CUBN: variants seen among roughly 807,000 people sequenced by gnomAD.
CUBN encodes the protein 460 kDa receptor.
A neutral mutation model predicts 405.3 loss-of-function variants in CUBN; 282 were observed. That is an observed-to-expected ratio of 0.70 (90% CI 0.63 to 0.77). The LOEUF is 0.77. Ranked by LOEUF, CUBN falls within the 30% of genes least tolerant of loss-of-function variation. The pLI, the probability that CUBN is intolerant of heterozygous loss-of-function variation, is 0.00. For missense variants in CUBN, 4,514 were observed against 4,475.2 expected (o/e 1.01, Z -0.25); for synonymous variants, 1,684 against 1,617.0 (o/e 1.04, Z -0.99).
chr10:16,893,463 T>C (rs1266770531), intron 54 of CUBN, among the ~76,000 whole-genome samples: 1 of 152,150 alleles, frequency 6.6e-6, no homozygotes, highest in Non-Finnish European at 1.5e-5. Context: ...GCATTCAAGA[T>C]ACTGAAATTC....
At chr10:17,054,395 T>G (rs1234014120) in intron 22 of CUBN, among the ~76,000 whole-genome samples, 1 of 150,518 alleles carries the variant, frequency 6.6e-6, no homozygotes, top group Non-Finnish European at 1.5e-5. Context: ...TCTATATCTA[T>G]CTATCTGTAG....
chr10:17,122,797 GT>G lies in CUBN; in HGVS notation c.590del (p.Tyr197SerfsTer37). ...CCAAAAAAAAAAAAAAAAGTTACCT[GT>G]AACTTCCCATTGTATTAACACATGT... ...GGTCVNTMGS[Y>X]SCHCPPETYG... On this transcript the variant is annotated frameshift_variant, in exon 6 of 67. Coordinates refer to ENST00000377833, the MANE Select transcript of CUBN (RefSeq NM_001081.4). LOFTEE classifies it high-confidence loss of function. 6.5e-7 allele frequency: 1 copy of G among 1,545,454 alleles called. No homozygotes were observed. Among genetic ancestry groups the G allele is most frequent in the Non-Finnish European group, 8.9e-7 (1 of 1,121,958 alleles).
chr10:16,876,966 C>T lies in CUBN; in HGVS notation c.9037G>A (p.Val3013Ile). Residue 3013 changes from valine (V) to isoleucine (I), a missense_variant, in exon 57 of 67, where the codon GTT becomes ATT. This residue lies in a region of CUBN where 1,186 missense variants were observed against 1,186.9 expected (regional missense o/e 1.00). Coordinates refer to ENST00000377833, the MANE Select transcript of CUBN (RefSeq NM_001081.4). ...MPAPLTIAGPVLLNFYSNEQI... is the reference protein window; with the variant it reads ...MPAPLTIAGPILLNFYSNEQI... Reference sequence around the variant, plus strand: ...TCGTTGGAGTAGAAGTTAAGCAGAACCGGCCCAGCGATGGTGAGGGGAGCT... The same window carrying T: ...TCGTTGGAGTAGAAGTTAAGCAGAATCGGCCCAGCGATGGTGAGGGGAGCT... 1 of 1,614,118 alleles carries T rather than the reference C, an allele frequency of 6.2e-7. No homozygotes were observed.
Position 16,837,907 on chromosome 10 carries a change from G to A in CUBN, c.10033-1525C>T, listed in dbSNP as rs373412087. 2.1e-4 allele frequency among the ~76,000 whole-genome samples: 32 copies of A among 152,172 alleles called. No individual in the cohort carries two copies. In the East Asian group the frequency reaches 4.5e-3, roughly 21 times the overall value. On this transcript the variant is annotated intron_variant, in intron 62 of 66. Transcript: ENST00000377833. ...GCTGTTATGTTTCAGACGGTGTCTC[G>A]TGCCCTGAAAGTGCCATTCTGTGCC...
chr10:17,017,219 T>C (rs146730609), intron 28 of CUBN, among the ~76,000 whole-genome samples: 386 of 152,252 alleles, frequency 2.5e-3, no homozygotes, highest in African/African-American at 8.9e-3. Context: ...CTGATCAGAA[T>C]AGTTGCACTC....
At chr10:16,947,023 G>T (rs1842805029) in intron 36 of CUBN, among the ~76,000 whole-genome samples, 1 of 152,160 alleles carries the variant, frequency 6.6e-6, no homozygotes. Context: ...ACTCAAGAAT[G>T]TACTTTTGGA....
chr10:16,958,050 T>C (rs1843120616), intron 31 of CUBN, among the ~76,000 whole-genome samples: 2 of 152,184 alleles, frequency 1.3e-5, no homozygotes, highest in Admixed American at 6.5e-5. Flanking sequence ...GTTTTCAGTC[T>C]GAGTGGTTGG....
Position 16,990,326 on chromosome 10 carries a change from C to A in CUBN, c.4350+8G>T. The A allele has an allele frequency of 6.2e-7, 1 of 1,613,998 alleles. No individual in the cohort carries two copies. Among genetic ancestry groups the A allele is most frequent in the East Asian group, 2.2e-5 (1 of 44,894 alleles). Reference sequence around the variant, plus strand: ...GGAATGTGCTGAAAAAACCATCTCACTTCCTACCTCCAAGACATCAAAGTT... The same window carrying A: ...GGAATGTGCTGAAAAAACCATCTCAATTCCTACCTCCAAGACATCAAAGTT... On this transcript the variant is annotated splice_region_variant and intron_variant, in intron 29 of 66. Transcript: ENST00000377833.
intron 36 of CUBN, among the ~76,000 whole-genome samples, chr10:16,941,025 C>T (rs1337121871): frequency 6.6e-6 from 1 of 152,144 alleles, no homozygotes; most frequent in Non-Finnish European, 1.5e-5. Context: ...TAGTATCTAC[C>T]TCATATGATG....
At chr10:17,100,504 T>A (rs371369572) in intron 13 of CUBN, among the ~76,000 whole-genome samples, 36 of 152,196 alleles carry the variant, frequency 2.4e-4, no homozygotes, top group East Asian at 2.1e-3. Context: ...ATTAAACTTG[T>A]CAAGTCCACC....
At chr10:17,105,612 C>A (rs2131302555) in intron 10 of CUBN, 37 bp from the exon 11 acceptor site, 2 of 1,143,714 alleles carry the variant, frequency 1.7e-6, no homozygotes, top group East Asian at 2.4e-5. Context: ...AAATACAGGT[C>A]TCCTCCTCTG....
Position 17,087,472 on chromosome 10 carries a change from CT to C in CUBN, c.1947+691del, listed in dbSNP as rs775573918. Among the ~76,000 whole-genome samples the C allele has an allele frequency of 5.7e-4, 41 of 71,728 alleles. 1 individual carries two copies. Among genetic ancestry groups the C allele is most frequent in the South Asian group, 2.0e-3 (3 of 1,468 alleles). The allele number at this position is 71,728 out of a possible 152,430, so 47.1% of individuals were successfully genotyped here. On this transcript the variant is annotated intron_variant, in intron 15 of 66. Transcript: ENST00000377833. ...CACAATCACTATTATTTTTCTTTTTCTTTTTTTTTTTTTTTTTTTTTTAGAC... is the reference window on the plus strand; with the variant it reads ...CACAATCACTATTATTTTTCTTTTTCTTTTTTTTTTTTTTTTTTTTTAGAC...
intron 59 of CUBN, among the ~76,000 whole-genome samples, chr10:16,864,842 G>T (rs990982562): frequency 6.7e-6 from 1 of 148,722 alleles, no homozygotes; most frequent in South Asian, 2.1e-4. Context: ...TAGAGACAGG[G>T]TTTCTCCATG....
At position 16,876,890 on chromosome 10, in the gene CUBN, T is replaced by TA; in HGVS notation, c.9106+6dup. The TA allele has an allele frequency of 6.2e-7, 1 of 1,611,744 alleles. No homozygotes were observed. Among genetic ancestry groups the TA allele is most frequent in the Admixed American group, 1.7e-5 (1 of 60,012 alleles). ...AAATTCCAAACTCTGTCATTATGGCTACTCACAGATTATCCTATAGGAAAA... is the reference window on the plus strand; with the variant it reads ...AAATTCCAAACTCTGTCATTATGGCTAACTCACAGATTATCCTATAGGAAAA... On this transcript the variant is annotated splice_region_variant and intron_variant, in intron 57 of 66. Coordinates refer to ENST00000377833, the MANE Select transcript of CUBN (RefSeq NM_001081.4).
intron 22 of CUBN, among the ~76,000 whole-genome samples, chr10:17,064,826 T>C (rs1469126394): frequency 1.3e-5 from 2 of 152,124 alleles, no homozygotes; most frequent in African/African-American, 2.4e-5. Flanking sequence ...AATTAAGTAA[T>C]AGGAAAAATA....
intron 36 of CUBN, among the ~76,000 whole-genome samples, chr10:16,942,532 A>G (rs1842678327): frequency 6.6e-6 from 1 of 152,202 alleles, no homozygotes; most frequent in African/African-American, 2.4e-5. Context: ...ACAAAGAGAT[A>G]ACACTACAAA....
intron 3 of CUBN, 118 bp downstream of exon 3, chr10:17,127,711 G>GCA: frequency 1.3e-5 from 9 of 692,164 alleles, no homozygotes; most frequent in Non-Finnish European, 2.3e-5. Flanking sequence ...ACAGTGAGTA[G>GCA]TTACATGCTA....
intron 17 of CUBN, among the ~76,000 whole-genome samples, chr10:17,083,258 C>A (rs1432887762): frequency 6.6e-6 from 1 of 152,074 alleles, no homozygotes; most frequent in Non-Finnish European, 1.5e-5. Flanking sequence ...GTAATCCCAG[C>A]ACTTTGGGAG....
chr10:16,856,615 C>T (rs12255412), intron 59 of CUBN, among the ~76,000 whole-genome samples: 2,804 of 152,268 alleles, frequency 0.018, 94 homozygotes, highest in African/African-American at 0.064. Context: ...GAGTTAGATA[C>T]ATTTTTAAAT....
Sources: allele counts gnomAD v4.1 joint callset (sites outside exome capture counted in the v4.1 genomes callset), GRCh38; gene constraint gnomAD v4.1.1; regional missense constraint gnomAD v4.1.1; transcripts MANE v1.5; gene names NCBI Gene and HGNC (gene_info 2026-07-23, HGNC 2026-07-21).